ECPAS: variants seen among roughly 807,000 people sequenced by gnomAD.
ECPAS encodes proteasome adapter and scaffold protein ECM29.
In ECPAS, 70 loss-of-function variants were observed where a neutral mutation model predicts 255.1. The observed-to-expected ratio is 0.27, with a 90% CI of 0.23 to 0.33. The LOEUF is 0.33. Among genes scored for constraint, ECPAS ranks in the 10% least tolerant of loss-of-function variants. ECPAS has a pLI of 1.00. For synonymous variants in ECPAS, 784 were observed against 775.0 expected (o/e 1.01, Z -0.19); for missense variants, 1,817 against 2,206.4 (o/e 0.82, Z 3.54).
intron 10 of ECPAS, among the ~76,000 whole-genome samples, chr9:111,426,136 T>C (rs142538659): frequency 6.6e-6 from 1 of 152,172 alleles, no homozygotes; most frequent in African/African-American, 2.4e-5. Flanking sequence ...TTCTTAATTA[T>C]ATGATTCAGG....
Position 111,370,556 on chromosome 9 carries a change from C to G in ECPAS, c.4853G>C (p.Cys1618Ser). 1 of 1,610,984 alleles carries G rather than the reference C, an allele frequency of 6.2e-7. No homozygotes were observed. Among genetic ancestry groups the G allele is most frequent in the Non-Finnish European group, 8.5e-7 (1 of 1,178,500 alleles). The change falls in exon 45 of 50, where the codon TGT (cysteine) becomes TCT (serine). Residue 1618 changes from cysteine (C) to serine (S), a missense_variant. Physicochemically the swap from Cys to Ser is moderately radical, Grantham distance 112. Coordinates refer to ENST00000684092, the MANE Select transcript of ECPAS (RefSeq NM_001364929.1). The stretch of plus-strand genomic sequence containing the variant: ...CTTGTATTTGACATTCTCTTTGCTA[C>G]ATTCCTTCAGAACAGCTTGAAGAAT... ...NEILQAVLKECSKENVKYKIV... is the reference protein window; with the variant it reads ...NEILQAVLKESSKENVKYKIV...
intron 1 of ECPAS, among the ~76,000 whole-genome samples, chr9:111,482,711 GA>G (rs2132147865): frequency 6.6e-6 from 1 of 152,184 alleles, no homozygotes; most frequent in African/African-American, 2.4e-5. Context: ...AACGCAATCA[GA>G]AATTATCTCA....
At chr9:111,414,700 G>A in intron 18 of ECPAS, 49 bp from the exon 19 acceptor site, 3 of 1,481,198 alleles carry the variant, frequency 2.0e-6, no homozygotes, top group Non-Finnish European at 2.8e-6. Flanking sequence ...CGAAAAGTCA[G>A]TGTGGGAAGG....
chr9:111,419,399 T>C (rs750899938), intron 16 of ECPAS, among the ~76,000 whole-genome samples: 1 of 152,168 alleles, frequency 6.6e-6, no homozygotes, highest in African/African-American at 2.4e-5. Flanking sequence ...CTGTAAGACA[T>C]ATAACAGATT....
intron 18 of ECPAS, among the ~76,000 whole-genome samples, chr9:111,415,070 A>G (rs1041434387): frequency 2.0e-5 from 3 of 152,208 alleles, no homozygotes; most frequent in Non-Finnish European, 2.9e-5. Flanking sequence ...AGCAGAAAAG[A>G]TAACTATGGG....
At position 111,411,020 on chromosome 9, in the gene ECPAS, A is replaced by G. The variant is rs780621956; in HGVS notation, c.2337T>C (p.Pro779=). ...CACTCTGAATGAGTTCCTCTTGATC[A>G]GGGAGGGTGTCAGCATTTCTCTCCA... is the stretch of plus-strand genomic sequence containing the variant. ...QDLERNADTL[P]DQEELIQSAT... The change falls in exon 22 of 50, where the codon CCT becomes CCC. Residue 779 remains proline (P), a synonymous_variant. Coordinates refer to ENST00000684092, the MANE Select transcript of ECPAS (RefSeq NM_001364929.1). The G allele has an allele frequency of 1.9e-6, 3 of 1,613,938 alleles. No homozygotes were observed. The highest frequency in any genetic ancestry group is 2.5e-6 in the Non-Finnish European group (3 of 1,179,832).
intron 2 of ECPAS, among the ~76,000 whole-genome samples, chr9:111,470,753 C>T (rs1220352110): frequency 6.7e-6 from 1 of 149,100 alleles, no homozygotes; most frequent in Non-Finnish European, 1.5e-5. Flanking sequence ...CCGCCACACA[C>T]ACACACACAC....
intron 1 of ECPAS, among the ~76,000 whole-genome samples, chr9:111,476,738 C>T (rs973121485): frequency 6.6e-6 from 1 of 152,076 alleles, no homozygotes; most frequent in Non-Finnish European, 1.5e-5. Flanking sequence ...TCTTGGCTCA[C>T]TGCAATCTCT....
chr9:111,393,722 C>T lies in ECPAS; in HGVS notation c.2935G>A (p.Glu979Lys), dbSNP rs1379040050. The T allele has an allele frequency of 6.3e-7, 1 of 1,587,792 alleles. No individual in the cohort carries two copies. Among genetic ancestry groups the T allele is most frequent in the African/African-American group, 1.3e-5 (1 of 74,410 alleles). The change falls in exon 27 of 50, where the codon GAA becomes AAA. Residue 979 changes from glutamate to lysine, a missense_variant. This residue lies in a region of ECPAS where 960 missense variants were observed against 1,179.0 expected (regional missense o/e 0.81). Coordinates refer to ENST00000684092, the MANE Select transcript of ECPAS (RefSeq NM_001364929.1). ...ACTGAAACAAATGCACTTTGAATTT[C>T]TTTAAGATGAGACTGAAAGAAGAAA... ...THKEVKSHLK[E>K]IQSAFVSVLS...
chr9:111,385,661 C>T (rs1214653530), intron 32 of ECPAS, among the ~76,000 whole-genome samples: 1 of 152,084 alleles, frequency 6.6e-6, no homozygotes, highest in Admixed American at 6.5e-5. Flanking sequence ...TAATACAATC[C>T]CTTTGAGATG....
intron 3 of ECPAS, among the ~76,000 whole-genome samples, chr9:111,448,541 G>A (rs1308553565): frequency 6.6e-6 from 1 of 152,220 alleles, no homozygotes; most frequent in Non-Finnish European, 1.5e-5. Flanking sequence ...TGTAACAGCA[G>A]TAGGACATTA....
At chr9:111,384,640 T>A (rs1034041720) in intron 33 of ECPAS, 71 bp from the exon 34 acceptor site, 2 of 1,359,374 alleles carry the variant, frequency 1.5e-6, no homozygotes, top group South Asian at 2.4e-5. Flanking sequence ...CAATTTGCAA[T>A]TTAATTGCCT....
At chr9:111,473,172 G>T (rs2132089504) in intron 1 of ECPAS, among the ~76,000 whole-genome samples, 172 bp from the exon 2 acceptor site, 1 of 152,172 alleles carries the variant, frequency 6.6e-6, no homozygotes, top group South Asian at 2.1e-4. Context: ...AAAGAATAAG[G>T]CCTATGTCCA....
Position 111,472,990 on chromosome 9 carries a change from G to C in ECPAS, c.-72C>G, listed in dbSNP as rs1252746967. 1 of 1,120,474 alleles carries C rather than the reference G, an allele frequency of 8.9e-7. No individual in the cohort carries two copies. The highest frequency in any genetic ancestry group is 1.1e-6 in the Non-Finnish European group (1 of 893,226). The allele number at this position is 1,120,474 out of a possible 1,614,324, so 69.4% of individuals were successfully genotyped here. On this transcript the variant is annotated 5_prime_UTR_variant, in exon 2 of 50. It introduces an in-frame stop codon into an upstream open reading frame of the 5' UTR. Transcript: ENST00000684092. ...TTCATCCACTCGTACATATGCAATTGTATAAAGAATCTATTATTTAGAACA... is the reference window on the plus strand; with the variant it reads ...TTCATCCACTCGTACATATGCAATTCTATAAAGAATCTATTATTTAGAACA...
chr9:111,370,795 T>C (rs1396554590), intron 43 of ECPAS, 30 bp from the exon 44 acceptor site: 8 of 1,575,532 alleles, frequency 5.1e-6, no homozygotes, highest in Non-Finnish European at 6.9e-6. Flanking sequence ...GGAAATACTA[T>C]TAAGCCCAAA....
intron 1 of ECPAS, among the ~76,000 whole-genome samples, chr9:111,477,900 CTTTTTT>C (rs34461136): frequency 2.9e-5 from 4 of 138,388 alleles, no homozygotes; most frequent in Admixed American, 7.3e-5. Flanking sequence ...TTTTTGGCAA[CTTTTTT>C]TTTTTTTTTT....
chr9:111,392,232 TACA>T (rs200194744), intron 28 of ECPAS, among the ~76,000 whole-genome samples: 2 of 152,062 alleles, frequency 1.3e-5, no homozygotes, highest in African/African-American at 4.8e-5. Context: ...AGAGCAAGAC[TACA>T]ACAACAACAA....
intron 39 of ECPAS, among the ~76,000 whole-genome samples, chr9:111,373,705 T>C (rs1409604407): frequency 6.6e-6 from 1 of 152,146 alleles, no homozygotes; most frequent in Non-Finnish European, 1.5e-5. Context: ...CAGCTATCAA[T>C]GGTAAGTCCT....
chr9:111,471,802 T>A (rs1218918648), intron 2 of ECPAS, among the ~76,000 whole-genome samples: 1 of 152,122 alleles, frequency 6.6e-6, no homozygotes, highest in Non-Finnish European at 1.5e-5. Context: ...TCATACCTCT[T>A]CTCACAAATA....
Sources: allele counts gnomAD v4.1 joint callset (sites outside exome capture counted in the v4.1 genomes callset), GRCh38; gene constraint gnomAD v4.1.1; regional missense constraint gnomAD v4.1.1; transcripts MANE v1.5; gene names NCBI Gene and HGNC (gene_info 2026-07-23, HGNC 2026-07-21).